Variants in C5 observed in about 807,000 individuals in gnomAD.
The protein encoded by C5 is C3 and PZP-like alpha-2-macroglobulin domain-containing protein 4.
Under a neutral mutation model 218.8 loss-of-function variants are expected in C5, and 140 were observed. That is an observed-to-expected ratio of 0.64 (90% CI 0.56 to 0.74). C5 has a LOEUF of 0.74. C5 is among the 30% of genes least tolerant of loss of function. The probability of loss-of-function intolerance (pLI) is 0.00; values close to 1 mark genes in which losing one functional copy is unlikely to be tolerated. For synonymous variants in C5, 614 were observed against 682.3 expected, an observed-to-expected ratio of 0.90 and a Z score of 1.56; for missense variants, 1,700 against 1,969.6, an observed-to-expected ratio of 0.86 and a Z score of 2.59.
chr9:121,019,412 T>C (rs2047344152), intron 12 of C5, among the ~76,000 whole-genome samples: 1 of 152,260 alleles, frequency 6.6e-6, no homozygotes, highest in South Asian at 2.1e-4. Flanking sequence ...CTGTAAGTTT[T>C]TTTCTTGGTT....
chr9:121,052,473 A>G (rs888981370), upstream of C5, among the ~76,000 whole-genome samples: 3 of 150,906 alleles, frequency 2.0e-5, no homozygotes, highest in Admixed American at 6.6e-5. Flanking sequence ...AAAAAAAAAA[A>G]GATGATTTTT....
At chr9:120,977,586 C>T (rs1180696506) in intron 28 of C5, among the ~76,000 whole-genome samples, 2 of 152,118 alleles carry the variant, frequency 1.3e-5, no homozygotes, top group Non-Finnish European at 2.9e-5. Flanking sequence ...TCCTGAGTGG[C>T]TGGGACTATA....
intron 40 of C5, among the ~76,000 whole-genome samples, 191 bp downstream of exon 40, chr9:120,953,539 G>T (rs2046762384): frequency 6.6e-6 from 1 of 152,174 alleles, no homozygotes; most frequent in Non-Finnish European, 1.5e-5. Context: ...CACTCAGATG[G>T]TTAATCAGGC....
intron 38 of C5, among the ~76,000 whole-genome samples, chr9:120,958,365 T>A (rs2046801867): frequency 6.6e-6 from 1 of 152,212 alleles, no homozygotes; most frequent in South Asian, 2.1e-4. Context: ...AAGTCTTTTC[T>A]TGAAACAACA....
At chr9:121,060,909 C>G in the C5 span, among the ~76,000 whole-genome samples, 1 of 152,114 alleles carries the variant, frequency 6.6e-6, no homozygotes, top group East Asian at 1.9e-4. Flanking sequence ...AGAATCAGGT[C>G]GGGCGAAGTG....
chr9:121,013,942 C>A lies in C5; in HGVS notation c.2188G>T (p.Glu730Ter). ...AGCTGGCTTGCGACGACACAACATT[C>A]AGTGAAAGCTTTGATGCATCTTGGC... ...LGPRCIKAFTECCVVASQLRA... is the reference protein window; with the variant it reads ...LGPRCIKAFT The change falls in exon 17 of 41, where the codon GAA becomes TAA. Residue 730 changes from glutamate (E) to a stop codon, truncating the protein, a stop_gained. Transcript: ENST00000223642. LOFTEE classifies it high-confidence loss of function. 1 of 1,614,184 alleles carries A rather than the reference C, an allele frequency of 6.2e-7. No homozygotes were observed. Among genetic ancestry groups the A allele is most frequent in the East Asian group, 2.2e-5 (1 of 44,890 alleles).
chr9:121,015,212 C>T lies in C5; in HGVS notation c.2046G>A (p.Lys682=). ...ILRPRRTLQK[K]IEEIAAKYKH... ...ATCTTACAGTACCTATTTCTTCTAT[C>T]TTCTTTTGCAGCGTTCTTCTTGGCC... Residue 682 remains lysine, a synonymous_variant, in exon 16 of 41, where the codon AAG becomes AAA. Coordinates refer to ENST00000223642, the MANE Select transcript of C5 (RefSeq NM_001735.3). 3 of 1,605,992 alleles carry T rather than the reference C, an allele frequency of 1.9e-6. No individual in the cohort carries two copies. The highest frequency in any genetic ancestry group is 1.7e-6 in the Non-Finnish European group (2 of 1,173,882).
Position 121,017,662 on chromosome 9 carries a change from T to C in C5, c.1697A>G (p.Lys566Arg). The C allele has an allele frequency of 1.2e-6, 2 of 1,613,692 alleles. No homozygotes were observed. Among genetic ancestry groups the C allele is most frequent in the Non-Finnish European group, 1.7e-6 (2 of 1,179,812 alleles). ...GCTTACCTGGAGCTGGTTGCCACAT[T>C]TTTCTTCAATATTTAACCAGACTGA... ...SDSVWLNIEE[K>R]CGNQLQVHLS... Residue 566 changes from lysine to arginine, a missense_variant, in exon 13 of 41, where the codon AAA becomes AGA. Physicochemically the swap from Lys to Arg is conservative, Grantham distance 26 (BLOSUM62 2). Transcript: ENST00000223642.
chr9:120,952,573 A>C lies in C5; in HGVS notation c.*166T>G. The C allele has an allele frequency of 1.6e-6, 1 of 632,324 alleles. No individual in the cohort carries two copies. 39.2% of individuals were successfully genotyped at this position (632,324 alleles called of 1,614,324 possible). On this transcript the variant is annotated 3_prime_UTR_variant, in exon 41 of 41. Transcript: ENST00000223642. ...CCATGTTATTTCAGAAAGTTACAGC[A>C]TTTGAAATCATTCTCTAATAAAAGC...
At chr9:121,054,949 G>A (rs916034064), upstream of C5, among the ~76,000 whole-genome samples, 1 of 151,904 alleles carries the variant, frequency 6.6e-6, no homozygotes, top group Non-Finnish European at 1.5e-5. Context: ...ATTCATCAAC[G>A]TAACAAGAAC....
intron 18 of C5, among the ~76,000 whole-genome samples, chr9:121,007,653 T>C (rs2047226657): frequency 6.6e-6 from 1 of 152,232 alleles, no homozygotes; most frequent in African/African-American, 2.4e-5. Flanking sequence ...TTGAGGTATT[T>C]ACATTTTAAT....
intron 36 of C5, 73 bp from the exon 37 acceptor site, chr9:120,961,638 CT>C: frequency 1.1e-6 from 1 of 931,278 alleles, no homozygotes; most frequent in Non-Finnish European, 1.8e-6. Context: ...TGGCAAGTGT[CT>C]TACATGGAGC....
Position 120,960,243 on chromosome 9 carries a change from C to T in C5, c.4678+5G>A. The T allele has an allele frequency of 6.3e-7, 1 of 1,595,336 alleles. No homozygotes were observed. The highest frequency in any genetic ancestry group is 1.1e-5 in the South Asian group (1 of 90,672). ...AAAGGAGCTATATTGAACTTTTGAA[C>T]TCACCATATGCAATCTCTGGTTTAC... On this transcript the variant is annotated splice_donor_5th_base_variant and intron_variant, in intron 38 of 40. Coordinates refer to ENST00000223642, the MANE Select transcript of C5 (RefSeq NM_001735.3).
chr9:121,046,524 T>C (rs2047629395), intron 1 of C5, 141 bp from the exon 2 acceptor site: 2 of 653,500 alleles, frequency 3.1e-6, no homozygotes, highest in African/African-American at 1.8e-5. Context: ...TAAGTCAAAA[T>C]GTACTTGTGA....
In C5 at chr9:120,997,680, T is replaced by C; in HGVS notation, c.2657A>G (p.Gln886Arg). The C allele has an allele frequency of 6.2e-7, 1 of 1,614,218 alleles. No homozygotes were observed. The highest frequency in any genetic ancestry group is 8.5e-7 in the Non-Finnish European group (1 of 1,180,030). Residue 886 changes from glutamine (Q) to arginine (R), a missense_variant, in exon 21 of 41, where the codon CAG becomes CGG. By Grantham distance (43) the Gln-to-Arg change is conservative (BLOSUM62 1). Coordinates refer to ENST00000223642, the MANE Select transcript of C5 (RefSeq NM_001735.3). ...QGTKSSKCVR[Q>R]KVEGSSSHLV... The stretch of plus-strand genomic sequence containing the variant: ...GTGACTGGAGGAGCCCTCTACTTTC[T>C]GGCGCACACATTTGGAGGACTTTGT...
intron 1 of C5, among the ~76,000 whole-genome samples, chr9:121,048,761 C>CA (rs2047649362): frequency 3.1e-4 from 3 of 9,638 alleles, no homozygotes; most frequent in Non-Finnish European, 4.5e-4. Flanking sequence ...TGCAGAGGAG[C>CA]AGGAGCTTGC....
intron 23 of C5, 61 bp downstream of exon 23, chr9:120,991,130 T>G: frequency 1.0e-6 from 1 of 977,658 alleles, no homozygotes; most frequent in Non-Finnish European, 1.7e-6. Context: ...CATGAGGATA[T>G]TTGATTTTTG....
chr9:120,974,743 C>A, intron 30 of C5, 36 bp downstream of exon 30: 2 of 1,568,804 alleles, frequency 1.3e-6, no homozygotes, highest in South Asian at 1.1e-5. Context: ...ATGGTCTCAG[C>A]CAATTGTAAA....
intron 10 of C5, among the ~76,000 whole-genome samples, chr9:121,022,101 A>C (rs567190878): frequency 6.6e-6 from 1 of 152,358 alleles, no homozygotes; most frequent in Non-Finnish European, 1.5e-5. Context: ...CAAACTCAAA[A>C]CATAAATATC....
Sources: allele counts gnomAD v4.1 joint callset (sites outside exome capture counted in the v4.1 genomes callset), GRCh38; gene constraint gnomAD v4.1.1; transcripts MANE v1.5; gene names NCBI Gene and HGNC (gene_info 2026-07-23, HGNC 2026-07-21).